Variants in ASB16 observed in about 807,000 individuals in gnomAD.
ASB16 encodes the protein ankyrin repeat and SOCS box protein 16.
Under a neutral mutation model 39.1 loss-of-function variants are expected in ASB16, and 44 were observed. The ratio of observed to expected loss-of-function variants is 1.13; its 90% CI spans 0.88 to 1.45. The LOEUF (loss-of-function observed/expected upper bound fraction) is 1.45. ASB16 is among the 40% of genes most tolerant of loss of function. The probability of loss-of-function intolerance (pLI) is 0.00; values close to 1 mark genes in which losing one functional copy is unlikely to be tolerated. For missense variants in ASB16, 698 were observed against 634.5 expected, an observed-to-expected ratio of 1.10 and a Z score of -1.07; for synonymous variants, 305 against 286.7, an observed-to-expected ratio of 1.06 and a Z score of -0.64.
At chr17:44,178,137 C>A in intron 4 of ASB16, 68 bp from the exon 5 acceptor site, 1 of 1,557,096 alleles carries the variant, frequency 6.4e-7, no homozygotes. Context: ...ATCCCAGGAC[C>A]CCCACCGCTG....
intron 2 of ASB16, among the ~76,000 whole-genome samples, chr17:44,175,573 A>G (rs1013447650): frequency 1.3e-5 from 2 of 152,202 alleles, no homozygotes; most frequent in African/African-American, 4.8e-5. Flanking sequence ...GATTTTGGCC[A>G]TTTTGGGAAA....
Position 44,170,981 on chromosome 17 carries a change from C to T in ASB16, c.192C>T (p.Ala64=), listed in dbSNP as rs768859857. The change falls in exon 1 of 5, where the codon GCC becomes GCT. Residue 64 remains alanine (A), a synonymous_variant. Coordinates refer to ENST00000293414, the MANE Select transcript of ASB16 (RefSeq NM_080863.5). ...RSCRDPAVHQ[A]LFSGNLQQVQ... ...GCCGAGACCCAGCTGTCCACCAAGC[C>T]CTCTTCTCCGGCAACCTGCAGCAGG... is the stretch of plus-strand genomic sequence containing the variant. The T allele has an allele frequency of 1.2e-6, 2 of 1,613,994 alleles. No individual in the cohort carries two copies. The highest frequency in any genetic ancestry group is 3.3e-5 in the Admixed American group (2 of 60,008).
At position 44,172,171 on chromosome 17, in the gene ASB16, G is replaced by A. The variant is rs928383301; in HGVS notation, c.427G>A (p.Gly143Ser). The A allele has an allele frequency of 6.2e-7, 1 of 1,612,522 alleles. No homozygotes were observed. The highest frequency in any genetic ancestry group is 8.5e-7 in the Non-Finnish European group (1 of 1,180,024). ...AGCTGAGCTGGATGCCCGTGTCGGGGGTCGCGCTGCCTTGCATGAGGCCTG... is the reference window on the plus strand; with the variant it reads ...AGCTGAGCTGGATGCCCGTGTCGGGAGTCGCGCTGCCTTGCATGAGGCCTG... ...QGAELDARVG[G>S]RAALHEACAR... is the part of the protein sequence containing the mutation. The change falls in exon 2 of 5, where the codon GGT (glycine) becomes AGT (serine). Residue 143 changes from glycine to serine, a missense_variant. Gly to Ser is a moderately conservative substitution (Grantham distance 56). Coordinates refer to ENST00000293414, the MANE Select transcript of ASB16 (RefSeq NM_080863.5).
In ASB16 at chr17:44,178,341, C is replaced by T. The variant is rs1293724098; in HGVS notation, c.1313C>T (p.Pro438Leu). The change falls in exon 5 of 5, where the codon CCG becomes CTG. Residue 438 changes from proline to leucine, a missense_variant. Physicochemically the swap from Pro to Leu is moderately conservative, Grantham distance 98 (BLOSUM62 -3). Coordinates refer to ENST00000293414, the MANE Select transcript of ASB16 (RefSeq NM_080863.5). ...GGTGCCACCCGGCTGCCACTGCCCCCGCTCCTCAGGGACTACCTGCTGCTG... is the reference window on the plus strand; with the variant it reads ...GGTGCCACCCGGCTGCCACTGCCCCTGCTCCTCAGGGACTACCTGCTGCTG... ...RQGATRLPLP[P>L]LLRDYLLLRV... 4.3e-6 allele frequency: 7 copies of T among 1,611,356 alleles called. No individual in the cohort carries two copies. Among genetic ancestry groups the T allele is most frequent in the Non-Finnish European group, 5.1e-6 (6 of 1,178,972 alleles).
At chr17:44,177,256 A>G in intron 3 of ASB16, 26 bp downstream of exon 3, 2 of 1,517,592 alleles carry the variant, frequency 1.3e-6, no homozygotes, top group Non-Finnish European at 1.8e-6. Context: ...CTGACATAGG[A>G]GGCTCCTGTG....
In ASB16 at chr17:44,178,776, CCT is replaced by C. The variant is rs745777987; in HGVS notation, c.*389_*390del. On this transcript the variant is annotated 3_prime_UTR_variant, in exon 5 of 5. Transcript: ENST00000293414. ...GAGCCACTGCGCCTGGTTGCCTGCC[CCT>C]CTTTTCTGTACTCCACGTGCTGTCC... is the stretch of plus-strand genomic sequence containing the variant. 33 of 248,212 alleles carry C rather than the reference CCT, an allele frequency of 1.3e-4. 1 individual carries two copies. The highest frequency in any genetic ancestry group is 2.2e-4 in the Non-Finnish European group (27 of 125,496). 15.4% of individuals were successfully genotyped at this position (248,212 alleles called of 1,614,324 possible).
chr17:44,178,184 CTTCT>C lies in ASB16; in HGVS notation c.1177-17_1177-14del. ...GATGGTAGGGCAAGGGTCATCTGAC[CTTCT>C]TTCACTCCTGGCCTAGGAGCACGAA... On this transcript the variant is annotated splice_polypyrimidine_tract_variant and intron_variant, in intron 4 of 4. Transcript: ENST00000293414. 6.2e-7 allele frequency: 1 copy of C among 1,611,186 alleles called. No homozygotes were observed. The highest frequency in any genetic ancestry group is 1.1e-5 in the South Asian group (1 of 91,020).
chr17:44,172,773 C>G (rs1349543144), intron 2 of ASB16, among the ~76,000 whole-genome samples: 1 of 150,484 alleles, frequency 6.6e-6, no homozygotes, highest in Non-Finnish European at 1.5e-5. Flanking sequence ...TGTGCCACCA[C>G]ACCTGGCTAG....
At chr17:44,173,265 C>T (rs1315681843) in intron 2 of ASB16, among the ~76,000 whole-genome samples, 2 of 149,846 alleles carry the variant, frequency 1.3e-5, no homozygotes, top group African/African-American at 2.5e-5. Flanking sequence ...TGGTGGCTGG[C>T]GCCTGTAATC....
intron 3 of ASB16, 157 bp downstream of exon 3, chr17:44,177,387 T>C: frequency 8.1e-7 from 1 of 1,231,754 alleles, no homozygotes; most frequent in Non-Finnish European, 1.1e-6. Flanking sequence ...GAGAGGATTC[T>C]GGGAGAGAGA....
rs555465645 is a variant in ASB16 at position 44,171,641 on chromosome 17, G to A, written c.302-405G>A. Among the ~76,000 whole-genome samples the A allele has an allele frequency of 1.6e-4, 24 of 148,082 alleles. No homozygotes were observed. In the South Asian group the frequency reaches 4.3e-3, roughly 27 times the overall value. On this transcript the variant is annotated intron_variant, in intron 1 of 4. Transcript: ENST00000293414. ...ACTCCTGAGGTCAAGTGATCATCCC[G>A]CCTTGGCCTCCCAAAGTGCTAGGAT...
chr17:44,173,538 T>TA lies in ASB16; in HGVS notation c.569+1230dup, dbSNP rs1370882374. Among the ~76,000 whole-genome samples, 10 of 145,856 alleles carry TA rather than the reference T, an allele frequency of 6.9e-5. No individual in the cohort carries two copies. The Admixed American group carries it at 6.9e-4, about 10-fold the overall frequency. ...GTGAGGTTTTTGTCTCTACTAAAAA[T>TA]AAAAACTAGCCGGGTATGGTGGCAT... On this transcript the variant is annotated intron_variant, in intron 2 of 4. Coordinates refer to ENST00000293414, the MANE Select transcript of ASB16 (RefSeq NM_080863.5).
At chr17:44,175,042 C>CA (rs1296145830) in intron 2 of ASB16, among the ~76,000 whole-genome samples, 2 of 147,430 alleles carry the variant, frequency 1.4e-5, no homozygotes, top group African/African-American at 5.0e-5. Flanking sequence ...GCAGAGACTG[C>CA]AGTGAGCCAA....
chr17:44,175,921 A>G (rs2054283892), intron 2 of ASB16: 1 of 152,150 alleles, frequency 6.6e-6, no homozygotes, highest in Non-Finnish European at 1.5e-5. Flanking sequence ...GGCCTGGTTT[A>G]GAAGAGTGGT....
intron 4 of ASB16, 149 bp from the exon 5 acceptor site, chr17:44,178,056 C>T: frequency 3.7e-6 from 3 of 820,678 alleles, no homozygotes; most frequent in Non-Finnish European, 5.8e-6. Flanking sequence ...ATTATCACTG[C>T]AGGGCCTCTA....
chr17:44,176,666 G>C (rs752781496), intron 2 of ASB16, 72 bp from the exon 3 acceptor site: 1 of 1,610,844 alleles, frequency 6.2e-7, no homozygotes, highest in Non-Finnish European at 8.5e-7. Flanking sequence ...AAAGGCAAGG[G>C]AGTGTCACAG....
At chr17:44,174,495 C>T (rs563403728) in intron 2 of ASB16, among the ~76,000 whole-genome samples, 51 of 152,252 alleles carry the variant, frequency 3.3e-4, no homozygotes, top group South Asian at 2.9e-3. Flanking sequence ...ATACACCAAC[C>T]CTCCCACTTT....
intron 3 of ASB16, 42 bp downstream of exon 3, chr17:44,177,272 G>T: frequency 6.7e-7 from 1 of 1,490,554 alleles, no homozygotes; most frequent in South Asian, 1.3e-5. Flanking sequence ...CTGTGTGGGG[G>T]AGCCCGCGGC....
At chr17:44,173,083 T>TA (rs770273961) in intron 2 of ASB16, among the ~76,000 whole-genome samples, 2,142 of 77,454 alleles carry the variant, frequency 0.028, 57 homozygotes, top group Admixed American at 0.044. Context: ...GAGACTGTCT[T>TA]AAAAAAAAAA....
Sources: allele counts gnomAD v4.1 joint callset (sites outside exome capture counted in the v4.1 genomes callset), GRCh38; gene constraint gnomAD v4.1.1; transcripts MANE v1.5; gene names NCBI Gene and HGNC (gene_info 2026-07-23, HGNC 2026-07-21).